Variants in CEP120 observed in about 807,000 individuals in gnomAD.
The protein encoded by CEP120 is centrosomal protein of 120 kDa.
Under a neutral mutation model 126.5 loss-of-function variants are expected in CEP120, and 113 were observed. The observed-to-expected ratio is 0.89, with a 90% CI of 0.77 to 1.04. CEP120 has a LOEUF of 1.04. Among genes scored for constraint, CEP120 ranks in the 50% least tolerant of loss-of-function variants. The pLI, the probability that CEP120 is intolerant of heterozygous loss-of-function variation, is 0.00. For synonymous variants in CEP120, 400 were observed against 394.3 expected (o/e 1.01, Z -0.17); for missense variants, 1,230 against 1,155.7 (o/e 1.06, Z -0.93).
chr5:123,378,457 A>C (rs749232373), intron 14 of CEP120, 29 bp from the exon 15 acceptor site: 2 of 1,096,646 alleles, frequency 1.8e-6, no homozygotes, highest in Non-Finnish European at 2.6e-6. Context: ...AAAAAAAAAA[A>C]AGTTACCTAC....
chr5:123,380,143 T>A (rs748325754), intron 14 of CEP120, among the ~76,000 whole-genome samples: 15 of 152,088 alleles, frequency 9.9e-5, no homozygotes, highest in Non-Finnish European at 1.5e-4. Context: ...ATAATTGACA[T>A]TTAAAAAATA....
intron 4 of CEP120, among the ~76,000 whole-genome samples, chr5:123,408,731 G>C (rs1021891229): frequency 6.6e-5 from 10 of 152,166 alleles, no homozygotes; most frequent in African/African-American, 2.4e-4. Flanking sequence ...TCTTTCAGAA[G>C]ACAGAAACAT....
At chr5:123,397,229 C>T (rs954876582) in intron 5 of CEP120, among the ~76,000 whole-genome samples, 3 of 152,124 alleles carry the variant, frequency 2.0e-5, no homozygotes, top group Admixed American at 2.0e-4. Context: ...GAGGGTGAGG[C>T]AGGAGAATCA....
chr5:123,373,296 A>C (rs1327629078), intron 16 of CEP120, among the ~76,000 whole-genome samples: 2 of 152,062 alleles, frequency 1.3e-5, no homozygotes, highest in African/African-American at 4.8e-5. Flanking sequence ...AGAGAAAGAG[A>C]TTACAGGCTA....
chr5:123,369,389 G>T (rs2127013483), intron 17 of CEP120, among the ~76,000 whole-genome samples: 1 of 152,070 alleles, frequency 6.6e-6, no homozygotes, highest in East Asian at 1.9e-4. Flanking sequence ...GCAGAGCTAG[G>T]ATTTGAACCA....
rs2127068062 is a variant in CEP120 at position 123,389,923 on chromosome 5, C to A, written c.1255+1G>T. Reference sequence around the variant, plus strand: ...TATAAACAAACAACAAAAAACCTTACCTTTTGGATTTGGTTTGGTGTCCTT... The same window carrying A: ...TATAAACAAACAACAAAAAACCTTAACTTTTGGATTTGGTTTGGTGTCCTT... On this transcript the variant is annotated splice_donor_variant, in intron 8 of 19. Coordinates refer to ENST00000306467, the MANE Select transcript of CEP120 (RefSeq NM_001375405.1). LOFTEE classifies it high-confidence loss of function. 1.2e-6 allele frequency: 2 copies of A among 1,611,120 alleles called. No homozygotes were observed. Among genetic ancestry groups the A allele is most frequent in the South Asian group, 2.2e-5 (2 of 90,952 alleles).
chr5:123,362,712 A>C (rs1770177814), intron 18 of CEP120, among the ~76,000 whole-genome samples: 1 of 151,564 alleles, frequency 6.6e-6, no homozygotes, highest in Non-Finnish European at 1.5e-5. Flanking sequence ...TTCCTTCATT[A>C]GCTTTCTTTT....
chr5:123,374,566 T>C (rs1208858383), intron 16 of CEP120, among the ~76,000 whole-genome samples: 4 of 152,162 alleles, frequency 2.6e-5, no homozygotes, highest in African/African-American at 4.8e-5. Context: ...TATAAACCAA[T>C]TGTCTCTTCC....
At chr5:123,377,307 ACTATTT>A (rs1771301465) in intron 16 of CEP120, 61 bp downstream of exon 16, 1 of 1,457,192 alleles carries the variant, frequency 6.9e-7, no homozygotes, top group East Asian at 2.3e-5. Flanking sequence ...TAGTTAGTGA[ACTATTT>A]CTCTTATTAC....
intron 3 of CEP120, 98 bp downstream of exon 3, chr5:123,415,905 GACTGATC>G (rs919534199): frequency 2.8e-6 from 2 of 710,562 alleles, no homozygotes; most frequent in African/African-American, 3.6e-5. Context: ...TCAAGTCTAT[GACTGATC>G]AGGTCTAGTA....
chr5:123,384,651 C>T (rs1771897984), intron 11 of CEP120, among the ~76,000 whole-genome samples: 1 of 151,844 alleles, frequency 6.6e-6, no homozygotes, highest in East Asian at 1.9e-4. Flanking sequence ...AAAATAGATC[C>T]TGCATTTAAA....
chr5:123,346,824 A>C (rs575288529), intron 19 of CEP120, 71 bp from the exon 20 acceptor site: 942 of 1,084,428 alleles, frequency 8.7e-4, no homozygotes, highest in Non-Finnish European at 1.2e-3. Context: ...TTAAAAACAA[A>C]ATGATTCAAT....
rs1276747636 is a variant in CEP120 at position 123,416,118 on chromosome 5, C to A, written c.213G>T (p.Gln71His). 1 of 1,597,446 alleles carries A rather than the reference C, an allele frequency of 6.3e-7. No individual in the cohort carries two copies. Among genetic ancestry groups the A allele is most frequent in the Non-Finnish European group, 8.6e-7 (1 of 1,166,782 alleles). Residue 71 changes from glutamine (Q) to histidine (H), a missense_variant, in exon 3 of 20, where the codon CAG becomes CAT. By Grantham distance (24) the Gln-to-His change is conservative. Coordinates refer to ENST00000306467, the MANE Select transcript of CEP120 (RefSeq NM_001375405.1). ...AACATTGGAGTTTGATAGGAGTACG[C>A]TGTAGCCTATAACAAAACATGTGAT... ...DRKALHQHRL[Q>H]RTPIKLQCFA...
chr5:123,400,875 G>A (rs1580717644), intron 4 of CEP120: 1 of 1,150,324 alleles, frequency 8.7e-7, no homozygotes, highest in East Asian at 2.3e-5. Context: ...CCAGGCTCTG[G>A]GGCAGCGCAG....
chr5:123,407,622 C>G (rs1378834357), intron 4 of CEP120, among the ~76,000 whole-genome samples: 1 of 152,142 alleles, frequency 6.6e-6, no homozygotes, highest in African/African-American at 2.4e-5. Flanking sequence ...ATAGTTGAAT[C>G]CAACTTGGAG....
Position 123,393,505 on chromosome 5 carries a change from T to C in CEP120, c.613-8A>G, listed in dbSNP as rs771431986. 1 of 1,610,036 alleles carries C rather than the reference T, an allele frequency of 6.2e-7. No individual in the cohort carries two copies. Among genetic ancestry groups the C allele is most frequent in the African/African-American group, 1.3e-5 (1 of 74,778 alleles). ...CATGGTACATGGAATTAACTAAACA[T>C]TTCAGGAAAAAGAAAACAGTTATTA... is the stretch of plus-strand genomic sequence containing the variant. On this transcript the variant is annotated splice_polypyrimidine_tract_variant and splice_region_variant and intron_variant, in intron 5 of 19. Coordinates refer to ENST00000306467, the MANE Select transcript of CEP120 (RefSeq NM_001375405.1).
intron 4 of CEP120, among the ~76,000 whole-genome samples, chr5:123,400,289 A>G (rs561712000): frequency 6.8e-6 from 1 of 147,482 alleles, no homozygotes; most frequent in Non-Finnish European, 1.5e-5. Flanking sequence ...TTTAGTCTCC[A>G]TTTTTTTTTT....
chr5:123,398,882 G>GA (rs1186436904), intron 5 of CEP120, among the ~76,000 whole-genome samples: 13 of 152,028 alleles, frequency 8.6e-5, no homozygotes, highest in Admixed American at 8.5e-4. Context: ...CAGTACAATG[G>GA]AAAACAATGT....
At chr5:123,388,396 C>A in intron 9 of CEP120, 36 bp downstream of exon 9, 1 of 1,390,940 alleles carries the variant, frequency 7.2e-7, no homozygotes, top group Non-Finnish European at 9.5e-7. Context: ...CCTTTCTCTT[C>A]AGAAAATAAT....
Sources: allele counts gnomAD v4.1 joint callset (sites outside exome capture counted in the v4.1 genomes callset), GRCh38; gene constraint gnomAD v4.1.1; transcripts MANE v1.5; gene names NCBI Gene and HGNC (gene_info 2026-07-23, HGNC 2026-07-21).